RXFP1: variants seen among roughly 807,000 people sequenced by gnomAD.
RXFP1 encodes the protein relaxin receptor 1.
A neutral mutation model predicts 89.8 loss-of-function variants in RXFP1; 73 were observed. The ratio of observed to expected loss-of-function variants is 0.81; its 90% CI spans 0.67 to 0.99. RXFP1 has a LOEUF of 0.99. Ranked by LOEUF, RXFP1 falls within the 50% of genes least tolerant of loss-of-function variation. RXFP1 has a pLI of 0.00. For missense variants in RXFP1, 793 were observed against 895.5 expected (o/e 0.89, Z 1.46); for synonymous variants, 277 against 305.5 (o/e 0.91, Z 0.97).
chr4:158,645,269 T>G, intron 15 of RXFP1, 131 bp downstream of exon 15: 1 of 653,818 alleles, frequency 1.5e-6, no homozygotes, highest in Non-Finnish European at 2.6e-6. Context: ...GTATGCTGTT[T>G]TCACATTTTC....
intron 1 of RXFP1, among the ~76,000 whole-genome samples, chr4:158,546,075 T>C (rs1471653797): frequency 9.2e-5 from 14 of 152,180 alleles, no homozygotes; most frequent in East Asian, 7.7e-4. Context: ...ATTCTTCCTA[T>C]CCATGAGCAT....
At chr4:158,614,439 C>A (rs759943024) in intron 8 of RXFP1, among the ~76,000 whole-genome samples, 1 of 152,222 alleles carries the variant, frequency 6.6e-6, no homozygotes, top group Non-Finnish European at 1.5e-5. Context: ...TTAGCTAGAT[C>A]TTCTGGATAA....
At chr4:158,646,324 T>C (rs1204601951) in intron 15 of RXFP1, 6 of 472,130 alleles carry the variant, frequency 1.3e-5, no homozygotes, top group South Asian at 9.3e-5. Context: ...CAGTCATTAT[T>C]CTATCATAGG....
At chr4:158,566,985 C>T (rs1753706947) in intron 1 of RXFP1, among the ~76,000 whole-genome samples, 1 of 152,208 alleles carries the variant, frequency 6.6e-6, no homozygotes, top group Non-Finnish European at 1.5e-5. Flanking sequence ...GCAGCGCTTG[C>T]AGGCCAGCGC....
chr4:158,570,162 C>G (rs1754730149), intron 1 of RXFP1, among the ~76,000 whole-genome samples: 1 of 149,832 alleles, frequency 6.7e-6, no homozygotes, highest in African/African-American at 2.4e-5. Flanking sequence ...ATTAGAATCT[C>G]ACCTAGATGC....
intron 4 of RXFP1, among the ~76,000 whole-genome samples, chr4:158,603,756 G>A (rs1287244834): frequency 6.6e-6 from 1 of 151,814 alleles, no homozygotes; most frequent in East Asian, 1.9e-4. Context: ...CAAGCGTGGT[G>A]GCGCACGCCT....
chr4:158,604,570 T>A (rs768392509), intron 4 of RXFP1, among the ~76,000 whole-genome samples: 7 of 152,204 alleles, frequency 4.6e-5, no homozygotes, highest in Non-Finnish European at 8.8e-5. Context: ...TTCTTAGAAG[T>A]TGAAATGGAA....
At chr4:158,639,093 T>A (rs1170994637) in intron 13 of RXFP1, among the ~76,000 whole-genome samples, 167 bp from the exon 14 acceptor site, 2 of 152,126 alleles carry the variant, frequency 1.3e-5, no homozygotes, top group East Asian at 3.9e-4. Context: ...AATAACACAA[T>A]CAGAAGGAGG....
intron 1 of RXFP1, 47 bp from the exon 2 acceptor site, chr4:158,572,651 T>G (rs201512541): frequency 6.4e-7 from 1 of 1,569,784 alleles, no homozygotes; most frequent in African/African-American, 1.3e-5. Flanking sequence ...TGCCACGCCT[T>G]TGTATTAACC....
intron 1 of RXFP1, among the ~76,000 whole-genome samples, chr4:158,566,246 T>C (rs1159824833): frequency 6.6e-6 from 1 of 152,230 alleles, no homozygotes; most frequent in Non-Finnish European, 1.5e-5. Flanking sequence ...TACTAAAGTA[T>C]TTAAGGGTGC....
chr4:158,606,096 A>C (rs1762493348), intron 5 of RXFP1, among the ~76,000 whole-genome samples: 1 of 151,984 alleles, frequency 6.6e-6, no homozygotes, highest in African/African-American at 2.4e-5. Flanking sequence ...AACATTTATC[A>C]GTCAAAAGAG....
intron 8 of RXFP1, among the ~76,000 whole-genome samples, chr4:158,613,353 G>A (rs1438513137): frequency 3.3e-5 from 5 of 152,098 alleles, no homozygotes; most frequent in African/African-American, 4.8e-5. Context: ...TTTCTCTATG[G>A]TATGCAATGC....
In RXFP1 at chr4:158,626,784, A is replaced by C. The variant is rs751894531; in HGVS notation, c.756-36A>C. The C allele has an allele frequency of 5.6e-6, 7 of 1,250,832 alleles. No homozygotes were observed. The East Asian group carries it at 1.7e-4, about 30-fold the overall frequency. The allele number at this position is 1,250,832 out of a possible 1,614,324, so 77.5% of individuals were successfully genotyped here. ...AACCAATTTATTTCTCTCCATGATT[A>C]AGATTTAGCTGTATCGTTTTATTTT... On this transcript the variant is annotated intron_variant, in intron 9 of 17. Transcript: ENST00000307765.
intron 3 of RXFP1, among the ~76,000 whole-genome samples, chr4:158,597,048 G>T (rs1208200289): frequency 3.3e-5 from 5 of 152,044 alleles, no homozygotes; most frequent in Non-Finnish European, 5.9e-5. Context: ...GACAATTTGT[G>T]GGGGGTAGTG....
intron 1 of RXFP1, among the ~76,000 whole-genome samples, chr4:158,562,154 A>T (rs961985827): frequency 5.3e-5 from 8 of 151,984 alleles, no homozygotes; most frequent in African/African-American, 1.9e-4. Context: ...CATAAAAAAC[A>T]CTCCAACCCC....
Position 158,605,110 on chromosome 4 carries a change from C to A in RXFP1, c.435C>A (p.Cys145Ter). ...TAATAAGAAAGCTTCCTCCTGATTG[C>A]TTCAAGAATTATCATGATCTTCAGA... ...WNLIRKLPPD[C>*]FKNYHDLQKL... Residue 145 changes from cysteine (C) to a stop codon, truncating the protein, a stop_gained, in exon 5 of 18, where the codon TGC becomes TGA. Transcript: ENST00000307765. LOFTEE classifies it high-confidence loss of function. 6.3e-7 allele frequency: 1 copy of A among 1,594,662 alleles called. No individual in the cohort carries two copies. The highest frequency in any genetic ancestry group is 8.6e-7 in the Non-Finnish European group (1 of 1,165,312).
intron 1 of RXFP1, among the ~76,000 whole-genome samples, chr4:158,524,493 A>G (rs1560937240): frequency 6.6e-6 from 1 of 152,208 alleles, no homozygotes; most frequent in African/African-American, 2.4e-5. Context: ...CAATAAGACA[A>G]GTGCAAAAAT....
chr4:158,582,046 C>T (rs1038343938), intron 2 of RXFP1, among the ~76,000 whole-genome samples: 4 of 152,062 alleles, frequency 2.6e-5, no homozygotes, highest in Admixed American at 2.6e-4. Context: ...AGTCGTTCAC[C>T]CTCAAGGGAC....
At chr4:158,582,356 C>G (rs1757533444) in intron 2 of RXFP1, among the ~76,000 whole-genome samples, 1 of 152,112 alleles carries the variant, frequency 6.6e-6, no homozygotes, top group South Asian at 2.1e-4. Flanking sequence ...CCTGGCATTG[C>G]AGTTGAGCTC....
Sources: gnomAD v4.1 joint callset for allele counts (sites outside exome capture counted in the v4.1 genomes callset) on GRCh38, gnomAD v4.1.1 for gene constraint, MANE v1.5 for transcripts, NCBI Gene and HGNC (gene_info 2026-07-23, HGNC 2026-07-21) for gene names.